The following TMEM131 variants were observed in gnomAD, a reference collection of about 807,000 sequenced individuals.
TMEM131 encodes transmembrane protein 131.
A neutral mutation model predicts 211.6 loss-of-function variants in TMEM131; 66 were observed. The ratio of observed to expected loss-of-function variants is 0.31; its 90% CI spans 0.26 to 0.38. The LOEUF (loss-of-function observed/expected upper bound fraction) is 0.38, where lower values mean the gene tolerates loss of function less well. Among genes scored for constraint, TMEM131 ranks in the 10% least tolerant of loss-of-function variants. TMEM131 has a pLI of 1.00. For synonymous variants in TMEM131, 844 were observed against 841.3 expected, an observed-to-expected ratio of 1.00 and a Z score of -0.06; for missense variants, 2,036 against 2,299.3, an observed-to-expected ratio of 0.89 and a Z score of 2.34.
At chr2:97,963,681 T>C (rs1480448520) in intron 1 of TMEM131, among the ~76,000 whole-genome samples, 5 of 152,142 alleles carry the variant, frequency 3.3e-5, no homozygotes, top group African/African-American at 1.2e-4. Context: ...CGCCACTGCA[T>C]TCCAGCCTGG....
In TMEM131 at chr2:97,801,985, T is replaced by G. The variant is rs377720409; in HGVS notation, c.2652-24A>C. On this transcript the variant is annotated intron_variant, in intron 24 of 40. Transcript: ENST00000186436. ...ACCTAAAACAAAAAATGTACACATATTTATTCATAAGCAACATCACAGTTA... is the reference window on the plus strand; with the variant it reads ...ACCTAAAACAAAAAATGTACACATAGTTATTCATAAGCAACATCACAGTTA... The G allele has an allele frequency of 4.4e-5, 67 of 1,533,566 alleles. No individual in the cohort carries two copies. In the African/African-American group the frequency reaches 7.9e-4, roughly 18 times the overall value. 95.0% of individuals were successfully genotyped at this position (1,533,566 alleles called of 1,614,324 possible). A position where few individuals can be genotyped will look rare whatever the true frequency, so the allele number is the denominator to read the frequency against.
At chr2:97,868,702 A>G (rs1674369722) in intron 4 of TMEM131, among the ~76,000 whole-genome samples, 1 of 152,196 alleles carries the variant, frequency 6.6e-6, no homozygotes, top group African/African-American at 2.4e-5. Context: ...AACAACAACA[A>G]AAAGTGGGAA....
chr2:97,878,111 A>T (rs1433651747), intron 4 of TMEM131, among the ~76,000 whole-genome samples: 1 of 152,242 alleles, frequency 6.6e-6, no homozygotes, highest in Admixed American at 6.5e-5. Context: ...GCTCATCATC[A>T]CTGGTCATTA....
At position 97,757,173 on chromosome 2, in the gene TMEM131, G is replaced by A. The variant is rs1322703949; in HGVS notation, c.5578C>T (p.Arg1860Trp). 8 of 1,613,896 alleles carry A rather than the reference G, an allele frequency of 5.0e-6. No individual in the cohort carries two copies. The highest frequency in any genetic ancestry group is 6.8e-6 in the Non-Finnish European group (8 of 1,179,820). ...DDLGQTYNPWRIWSPTIGRRS... is the reference protein window; with the variant it reads ...DDLGQTYNPWWIWSPTIGRRS... ...CTTCCAATCGTGGGGCTCCATATCC[G>A]CCACGGGTTGTAGGTCTGTCCCAAG... The change falls in exon 41 of 41, where the codon CGG (arginine) becomes TGG (tryptophan). Residue 1860 changes from arginine (R) to tryptophan (W), a missense_variant. Transcript: ENST00000186436.
intron 1 of TMEM131, among the ~76,000 whole-genome samples, chr2:97,952,191 G>A (rs1032674225): frequency 4.6e-5 from 7 of 151,150 alleles, no homozygotes; most frequent in African/African-American, 1.7e-4. Flanking sequence ...AGTCTGAACA[G>A]CTGCAGAAAA....
At chr2:97,986,104 T>C (rs1680015687) in intron 1 of TMEM131, among the ~76,000 whole-genome samples, 1 of 152,114 alleles carries the variant, frequency 6.6e-6, no homozygotes, top group South Asian at 2.1e-4. Flanking sequence ...GACAAAAGAC[T>C]GATCAAACAC....
intron 1 of TMEM131, among the ~76,000 whole-genome samples, chr2:97,938,510 G>A (rs1677555764): frequency 6.6e-6 from 1 of 152,172 alleles, no homozygotes; most frequent in Admixed American, 6.5e-5. Context: ...CAATACAGGA[G>A]CACCCAGATT....
chr2:97,867,455 TA>T (rs1025169475), intron 4 of TMEM131, among the ~76,000 whole-genome samples: 1 of 152,250 alleles, frequency 6.6e-6, no homozygotes, highest in African/African-American at 2.4e-5. Flanking sequence ...TTATTTGTAG[TA>T]ACTTTTTGGT....
intron 32 of TMEM131, among the ~76,000 whole-genome samples, chr2:97,774,892 C>T (rs6748809): frequency 0.68 from 102,794 of 152,056 alleles, 36,550 homozygotes; most frequent in African/African-American, 0.86. Context: ...TGGAGGACCA[C>T]GGTAACGGTG....
At chr2:97,927,214 A>G (rs1677029248) in intron 2 of TMEM131, among the ~76,000 whole-genome samples, 1 of 152,208 alleles carries the variant, frequency 6.6e-6, no homozygotes, top group African/African-American at 2.4e-5. Context: ...TTAATACCAC[A>G]ATGAGTTTGC....
chr2:97,803,354 G>C (rs868792060), intron 22 of TMEM131, among the ~76,000 whole-genome samples: 1 of 152,306 alleles, frequency 6.6e-6, no homozygotes, highest in Middle Eastern at 3.4e-3. Context: ...GAAGACATCA[G>C]TTGACAACAG....
At chr2:97,779,864 A>G (rs969950055) in intron 31 of TMEM131, among the ~76,000 whole-genome samples, 1 of 152,150 alleles carries the variant, frequency 6.6e-6, no homozygotes, top group Non-Finnish European at 1.5e-5. Flanking sequence ...AAAATTTTAA[A>G]ATAAAACTAG....
intron 1 of TMEM131, among the ~76,000 whole-genome samples, chr2:97,947,823 A>G (rs1678114487): frequency 6.6e-6 from 1 of 152,194 alleles, no homozygotes; most frequent in Non-Finnish European, 1.5e-5. Context: ...AGATGGTATA[A>G]AACTGACACA....
At chr2:97,807,791 A>G (rs1366920904) in intron 19 of TMEM131, among the ~76,000 whole-genome samples, 1 of 151,788 alleles carries the variant, frequency 6.6e-6, no homozygotes. Context: ...TTGATTGAGA[A>G]GGTAATGGAA....
At chr2:97,823,002 C>T (rs1050006582) in intron 11 of TMEM131, among the ~76,000 whole-genome samples, 1 of 152,088 alleles carries the variant, frequency 6.6e-6, no homozygotes, top group Non-Finnish European at 1.5e-5. Context: ...ATAATACTAT[C>T]CTGCAGCTTG....
intron 21 of TMEM131, 36 bp from the exon 22 acceptor site, chr2:97,805,241 C>G (rs1293653238): frequency 3.8e-6 from 6 of 1,588,234 alleles, no homozygotes; most frequent in Middle Eastern, 1.7e-4. Flanking sequence ...TGCATCTATA[C>G]TCACTTGTCA....
At chr2:97,947,028 G>T (rs906191559) in intron 1 of TMEM131, among the ~76,000 whole-genome samples, 1 of 151,698 alleles carries the variant, frequency 6.6e-6, no homozygotes, top group Non-Finnish European at 1.5e-5. Flanking sequence ...CATGGTAAAA[G>T]ATCTTGGCAA....
intron 7 of TMEM131, among the ~76,000 whole-genome samples, chr2:97,839,035 A>T (rs1285482036): frequency 6.6e-6 from 1 of 152,166 alleles, no homozygotes; most frequent in Non-Finnish European, 1.5e-5. Context: ...TTGAAAACAG[A>T]AGATTAGACC....
intron 30 of TMEM131, 156 bp from the exon 31 acceptor site, chr2:97,793,140 C>T (rs1680585590): frequency 1.5e-6 from 1 of 647,290 alleles, no homozygotes; most frequent in South Asian, 2.1e-5. Context: ...TCTCTAACAT[C>T]TGTTCTATCT....
Sources: allele counts gnomAD v4.1 joint callset (sites outside exome capture counted in the v4.1 genomes callset), GRCh38; gene constraint gnomAD v4.1.1; transcripts MANE v1.5; gene names NCBI Gene and HGNC (gene_info 2026-07-23, HGNC 2026-07-21).